The following ALMS1 variants were observed in gnomAD, a reference collection of about 807,000 sequenced individuals.
ALMS1 encodes centrosome-associated protein ALMS1.
A neutral mutation model predicts 352.2 loss-of-function variants in ALMS1; 271 were observed. The observed-to-expected ratio is 0.77, with a 90% confidence interval of 0.70 to 0.85. The LOEUF is 0.85. Ranked by LOEUF, ALMS1 falls within the 40% of genes least tolerant of loss-of-function variation. The pLI is 0.00. For synonymous variants in ALMS1, 1,865 were observed against 1,761.2 expected (o/e 1.06, Z -1.48); for missense variants, 5,445 against 4,870.7 (o/e 1.12, Z -3.51).
rs191396518 is a variant in ALMS1, at chr2:73,579,526, A to G, written c.11547+6102A>G. 7.0e-4 allele frequency among the ~76,000 whole-genome samples: 106 copies of G among 151,476 alleles called. 1 individual carries two copies. The highest frequency in any genetic ancestry group is 4.1e-3 in the East Asian group (21 of 5,146). On this transcript the variant is annotated intron_variant, in intron 16 of 22. Coordinates refer to ENST00000613296, the MANE Select transcript of ALMS1 (RefSeq NM_001378454.1). ...CAGGTGCACACCACCACACCCAGCT[A>G]ATTTTTGTATTTTAGTAGAGACGTG...
intron 2 of ALMS1, among the ~76,000 whole-genome samples, chr2:73,416,887 T>C (rs1238195025): frequency 6.6e-6 from 1 of 152,104 alleles, no homozygotes; most frequent in African/African-American, 2.4e-5. Flanking sequence ...CGCTTGAGTC[T>C]AGGAGGTCCA....
chr2:73,500,362 T>G (rs1673195076), intron 10 of ALMS1, among the ~76,000 whole-genome samples: 1 of 152,180 alleles, frequency 6.6e-6, no homozygotes, highest in African/African-American at 2.4e-5. Flanking sequence ...CTAGGTACTT[T>G]TATCCCTTTT....
rs376834704 is a variant in ALMS1, at chr2:73,449,213, C to G, written c.2686C>G (p.Gln896Glu). The change falls in exon 8 of 23, where the codon CAG becomes GAG. Residue 896 changes from glutamine (Q) to glutamate (E), a missense_variant. Physicochemically the swap from Gln to Glu is conservative, Grantham distance 29. Coordinates refer to ENST00000613296, the MANE Select transcript of ALMS1 (RefSeq NM_001378454.1). ...ATCAATTGTTCCTGGACCAGGTGAT[C>G]AGAAGACTGGGATACCCTCAGCACC... is the stretch of plus-strand genomic sequence containing the variant. Reference protein sequence around the residue: ...KVSIVPGPGDQKTGIPSAPSS... With the variant: ...KVSIVPGPGDEKTGIPSAPSS... The G allele has an allele frequency of 6.2e-6, 10 of 1,614,034 alleles. No homozygotes were observed. The African/African-American group carries it at 1.2e-4, about 19-fold the overall frequency.
chr2:73,413,734 A>T (rs1408016413), intron 2 of ALMS1, among the ~76,000 whole-genome samples: 1 of 152,206 alleles, frequency 6.6e-6, no homozygotes, highest in Non-Finnish European at 1.5e-5. Flanking sequence ...TATGGTGTGA[A>T]GGAAGCATCC....
At chr2:73,397,969 A>G (rs780162021) in intron 1 of ALMS1, among the ~76,000 whole-genome samples, 2 of 152,236 alleles carry the variant, frequency 1.3e-5, no homozygotes, top group African/African-American at 4.8e-5. Context: ...AAGCAGAATA[A>G]GTTTTTAATT....
chr2:73,565,672 C>G (rs1674787113), intron 15 of ALMS1, among the ~76,000 whole-genome samples: 2 of 152,180 alleles, frequency 1.3e-5, no homozygotes, highest in South Asian at 4.1e-4. Flanking sequence ...TCATCAAGAT[C>G]ATCATCAATA....
At chr2:73,505,098 CA>C (rs1470345689) in intron 10 of ALMS1, among the ~76,000 whole-genome samples, 1 of 152,082 alleles carries the variant, frequency 6.6e-6, no homozygotes, top group African/African-American at 2.4e-5. Flanking sequence ...ATATATGTGC[CA>C]CATTTTCTTT....
In ALMS1 at chr2:73,405,359, A is replaced by G. The variant is rs199603774; in HGVS notation, c.325-3263A>G. Among the ~76,000 whole-genome samples the G allele has an allele frequency of 3.5e-4, 53 of 152,178 alleles. 1 individual carries two copies. The East Asian group carries it at 9.7e-3, about 28-fold the overall frequency. On this transcript the variant is annotated intron_variant, in intron 1 of 22. Transcript: ENST00000613296. ...TTGATCTGTTTCTTCTAGGCTGTCC[A>G]ATTAGTTGGAGTACAGTTGTTCATA...
intron 11 of ALMS1, among the ~76,000 whole-genome samples, chr2:73,523,970 C>T (rs986183463): frequency 3.9e-5 from 6 of 152,038 alleles, no homozygotes; most frequent in African/African-American, 1.2e-4. Flanking sequence ...TGGAGGCATT[C>T]GGCCATGAGA....
chr2:73,473,655 G>T (rs1672513887), intron 9 of ALMS1, among the ~76,000 whole-genome samples: 1 of 151,614 alleles, frequency 6.6e-6, no homozygotes, highest in African/African-American at 2.4e-5. Context: ...ACCAAGAAAA[G>T]GATTTCCCAC....
At position 73,557,216 on chromosome 2, in the gene ALMS1, C is replaced by T. The variant is rs1446726516; in HGVS notation, c.10079-4C>T. The T allele has an allele frequency of 3.1e-6, 5 of 1,613,844 alleles. No homozygotes were observed. The highest frequency in any genetic ancestry group is 4.2e-6 in the Non-Finnish European group (5 of 1,179,968). ...TCTGAAATCAAATGATGTCGTTATT[C>T]CAGATGCCTCAGTTCAAGTGCTAAT... is the stretch of plus-strand genomic sequence containing the variant. On this transcript the variant is annotated splice_region_variant and splice_polypyrimidine_tract_variant and intron_variant, in intron 13 of 22. Coordinates refer to ENST00000613296, the MANE Select transcript of ALMS1 (RefSeq NM_001378454.1).
At chr2:73,530,164 C>A (rs1308100416) in intron 11 of ALMS1, among the ~76,000 whole-genome samples, 1 of 152,150 alleles carries the variant, frequency 6.6e-6, no homozygotes. Flanking sequence ...AGCATTAACC[C>A]AAAAGTCCAA....
Position 73,520,035 on chromosome 2 carries a change from A to G in ALMS1, c.9781+19A>G, listed in dbSNP as rs895296631. ...ACAGATGGTAAGAGAATGTGATTGC[A>G]TTTTAGATTGTTAGACCAGCTCTTT... On this transcript the variant is annotated intron_variant, in intron 11 of 22. Transcript: ENST00000613296. 2 of 1,613,760 alleles carry G rather than the reference A, an allele frequency of 1.2e-6. No individual in the cohort carries two copies. The highest frequency in any genetic ancestry group is 1.7e-6 in the Non-Finnish European group (2 of 1,179,918).
intron 16 of ALMS1, among the ~76,000 whole-genome samples, chr2:73,576,771 A>C (rs1168233338): frequency 6.6e-6 from 1 of 151,378 alleles, no homozygotes; most frequent in Non-Finnish European, 1.5e-5. Flanking sequence ...CAGGTGCCTG[A>C]CACCATGCCC....
rs1473661013 is a variant in ALMS1, at chr2:73,419,211, A to T, written c.539A>T (p.Glu180Val). 3.1e-6 allele frequency: 5 copies of T among 1,613,904 alleles called. No homozygotes were observed. The highest frequency in any genetic ancestry group is 3.4e-6 in the Non-Finnish European group (4 of 1,179,910). The stretch of plus-strand genomic sequence containing the variant: ...CAGACTAGGTTTAATGTGAGAACGG[A>T]AGATACTGAAGTGACAGACTTCCCC... ...TSQTRFNVRT[E>V]DTEVTDFPSL... The change falls in exon 3 of 23, where the codon GAA becomes GTA. Residue 180 changes from glutamate (E) to valine (V), a missense_variant. Glu to Val is a moderately radical substitution (Grantham distance 121). Coordinates refer to ENST00000613296, the MANE Select transcript of ALMS1 (RefSeq NM_001378454.1).
chr2:73,504,851 C>T (rs537976123), intron 10 of ALMS1, among the ~76,000 whole-genome samples: 15 of 152,020 alleles, frequency 9.9e-5, no homozygotes, highest in Non-Finnish European at 2.2e-4. Flanking sequence ...ATCTACATTA[C>T]GTATTTCTCC....
chr2:73,449,183 A>C lies in ALMS1; in HGVS notation c.2656A>C (p.Lys886Gln). The change falls in exon 8 of 23, where the codon AAA (lysine) becomes CAA (glutamine). Residue 886 changes from lysine to glutamine, a missense_variant. Transcript: ENST00000613296. Reference sequence around the variant, plus strand: ...TAGTCATCTAACTGAAGAGGCTCTGAAAGTATCAATTGTTCCTGGACCAGG... The same window carrying C: ...TAGTCATCTAACTGAAGAGGCTCTGCAAGTATCAATTGTTCCTGGACCAGG... ...PNSHLTEEAL[K>Q]VSIVPGPGDQ... The C allele has an allele frequency of 6.2e-7, 1 of 1,614,122 alleles. No individual in the cohort carries two copies. Among genetic ancestry groups the C allele is most frequent in the Non-Finnish European group, 8.5e-7 (1 of 1,179,994 alleles).
At chr2:73,542,237 C>G (rs1271340158) in intron 12 of ALMS1, among the ~76,000 whole-genome samples, 1 of 152,148 alleles carries the variant, frequency 6.6e-6, no homozygotes, top group South Asian at 2.1e-4. Context: ...TAAATGTAAT[C>G]CAGCATATAA....
intron 12 of ALMS1, among the ~76,000 whole-genome samples, chr2:73,546,877 C>A (rs1453106305): frequency 6.6e-6 from 1 of 152,138 alleles, no homozygotes; most frequent in African/African-American, 2.4e-5. Context: ...CAGGCAACAT[C>A]CCATTCTATA....
Sources: gnomAD v4.1 joint callset for allele counts (sites outside exome capture counted in the v4.1 genomes callset) on GRCh38, gnomAD v4.1.1 for gene constraint, MANE v1.5 for transcripts, NCBI Gene and HGNC (gene_info 2026-07-23, HGNC 2026-07-21) for gene names.